The following NCOA3 variants were observed in gnomAD, a reference collection of about 807,000 sequenced individuals.
NCOA3 encodes CBP-interacting protein.
In NCOA3, 51 loss-of-function variants were observed where a neutral mutation model predicts 158.8. The observed-to-expected ratio is 0.32, with a 90% CI of 0.26 to 0.41. NCOA3 has a LOEUF of 0.41. Ranked by LOEUF, NCOA3 falls within the 10% of genes least tolerant of loss-of-function variation. The pLI, the probability that NCOA3 is intolerant of heterozygous loss-of-function variation, is 1.00. For synonymous variants in NCOA3, 537 were observed against 592.4 expected, an observed-to-expected ratio of 0.91 and a Z score of 1.36; for missense variants, 1,510 against 1,746.6, an observed-to-expected ratio of 0.86 and a Z score of 2.41.
intron 1 of NCOA3, among the ~76,000 whole-genome samples, chr20:47,502,246 G>C (rs2083944434): frequency 6.6e-6 from 1 of 152,328 alleles, no homozygotes; most frequent in Admixed American, 6.5e-5. Context: ...CTGAGACGAA[G>C]CTGGGTGGCA....
intron 1 of NCOA3, among the ~76,000 whole-genome samples, chr20:47,547,220 CATTT>C (rs914666233): frequency 1.3e-5 from 2 of 152,030 alleles, no homozygotes; most frequent in African/African-American, 2.4e-5. Context: ...GTTCATCATT[CATTT>C]GTCGAGTGAA....
intron 1 of NCOA3, among the ~76,000 whole-genome samples, chr20:47,524,016 T>C (rs2084386762): frequency 6.6e-6 from 1 of 152,180 alleles, no homozygotes; most frequent in African/African-American, 2.4e-5. Flanking sequence ...AGTACCATCT[T>C]AATAGGAGCC....
chr20:47,564,113 G>A (rs1851215503), intron 1 of NCOA3, among the ~76,000 whole-genome samples: 1 of 151,306 alleles, frequency 6.6e-6, no homozygotes, highest in Middle Eastern at 3.2e-3. Flanking sequence ...AGTGAGCCAT[G>A]TACTCCATCC....
chr20:47,589,049 C>T (rs1449918690), intron 2 of NCOA3, among the ~76,000 whole-genome samples: 1 of 151,876 alleles, frequency 6.6e-6, no homozygotes. Flanking sequence ...ACAGCATGCC[C>T]GTCTAATTTT....
At chr20:47,554,079 A>T (rs1456881971) in intron 1 of NCOA3, among the ~76,000 whole-genome samples, 1 of 152,144 alleles carries the variant, frequency 6.6e-6, no homozygotes, top group Non-Finnish European at 1.5e-5. Context: ...TGACTTTTTA[A>T]TGACTGCCAT....
chr20:47,597,106 G>C (rs746806858), intron 2 of NCOA3, among the ~76,000 whole-genome samples: 2 of 152,018 alleles, frequency 1.3e-5, no homozygotes, highest in African/African-American at 4.8e-5. Context: ...TGACAAATGT[G>C]ACCATCACCA....
At chr20:47,566,174 C>T (rs1311133673) in intron 1 of NCOA3, among the ~76,000 whole-genome samples, 3 of 152,020 alleles carry the variant, frequency 2.0e-5, no homozygotes, top group Non-Finnish European at 2.9e-5. Flanking sequence ...CCACCTGCCT[C>T]GGCCTCCCAA....
chr20:47,540,117 T>G (rs756164487), intron 1 of NCOA3, among the ~76,000 whole-genome samples: 1 of 152,158 alleles, frequency 6.6e-6, no homozygotes, highest in Non-Finnish European at 1.5e-5. Flanking sequence ...GGCCATGCCC[T>G]TTTTACCACC....
intron 1 of NCOA3, among the ~76,000 whole-genome samples, chr20:47,535,569 G>T (rs571749457): frequency 2.0e-5 from 3 of 149,930 alleles, no homozygotes; most frequent in East Asian, 4.0e-4. Context: ...GTGCAGTGGC[G>T]CAATCTCGGC....
intron 2 of NCOA3, among the ~76,000 whole-genome samples, chr20:47,614,877 T>G (rs540956866): frequency 6.6e-6 from 1 of 152,314 alleles, no homozygotes; most frequent in South Asian, 2.1e-4. Context: ...TAATACTGCA[T>G]GCCCCTAAAC....
Position 47,643,157 on chromosome 20 carries a change from ACTCG to A in NCOA3, c.3252+775_3252+778del, listed in dbSNP as rs2086637717. Among the ~76,000 whole-genome samples the A allele has an allele frequency of 2.6e-5, 4 of 152,132 alleles. 1 individual carries two copies. The highest frequency in any genetic ancestry group is 9.6e-5 in the African/African-American group (4 of 41,492). On this transcript the variant is annotated intron_variant, in intron 17 of 22. Coordinates refer to ENST00000371998, the MANE Select transcript of NCOA3 (RefSeq NM_181659.3). ...TCAAACTTCTGACCTCAAGTGATCC[ACTCG>A]CCTTGGCCTCCCAAAGTGCTGGGAT...
At chr20:47,525,574 C>T (rs2084419035) in intron 1 of NCOA3, among the ~76,000 whole-genome samples, 1 of 140,194 alleles carries the variant, frequency 7.1e-6, no homozygotes, top group African/African-American at 2.7e-5. Flanking sequence ...TGACCCCCCC[C>T]ACCTCCCTCC....
chr20:47,592,542 G>T (rs1192459233), intron 2 of NCOA3, among the ~76,000 whole-genome samples: 1 of 152,166 alleles, frequency 6.6e-6, no homozygotes, highest in African/African-American at 2.4e-5. Flanking sequence ...CTGTGTTGGG[G>T]TTGATAGAGG....
chr20:47,554,970 A>G (rs1053282947), intron 1 of NCOA3, among the ~76,000 whole-genome samples: 1 of 152,214 alleles, frequency 6.6e-6, no homozygotes, highest in Non-Finnish European at 1.5e-5. Context: ...CTACAAGGCT[A>G]CAGTAACCAA....
chr20:47,639,641 C>T lies in NCOA3; in HGVS notation c.2772C>T (p.Asn924=). 1 of 1,613,902 alleles carries T rather than the reference C, an allele frequency of 6.2e-7. No individual in the cohort carries two copies. Among genetic ancestry groups the T allele is most frequent in the Non-Finnish European group, 8.5e-7 (1 of 1,179,864 alleles). The change falls in exon 15 of 23, where the codon AAC becomes AAT. Residue 924 remains asparagine (N), a synonymous_variant. Transcript: ENST00000371998. The stretch of plus-strand genomic sequence containing the variant: ...CCTCAGGAGACTGGGGCTTACCAAA[C>T]TCAAAGGCCGGCAGAATGGAACCTA... ...TPSSGDWGLP[N]SKAGRMEPMN...
chr20:47,518,316 A>C (rs1381530011), intron 1 of NCOA3, among the ~76,000 whole-genome samples: 2 of 152,038 alleles, frequency 1.3e-5, no homozygotes, highest in Non-Finnish European at 2.9e-5. Flanking sequence ...ACTGTACTCC[A>C]GCCTGAGAAA....
chr20:47,610,881 T>C (rs1479231900), intron 2 of NCOA3, among the ~76,000 whole-genome samples: 3 of 152,244 alleles, frequency 2.0e-5, no homozygotes, highest in Non-Finnish European at 4.4e-5. Context: ...ATTTTTGATA[T>C]TGCTGGACAG....
intron 1 of NCOA3, among the ~76,000 whole-genome samples, chr20:47,546,852 C>T (rs1027254442): frequency 6.6e-6 from 1 of 152,012 alleles, no homozygotes; most frequent in Non-Finnish European, 1.5e-5. Context: ...CATCTCTGAT[C>T]TCACCTATCA....
chr20:47,636,567 A>G lies in NCOA3; in HGVS notation c.2181A>G (p.Leu727=), dbSNP rs1474566136. ...GAAATGTTGTCAAGCAGGAGCAGCT[A>G]AGTCCTAAGAAGAAGGAGAATAATG... ...GDGNVVKQEQ[L]SPKKKENNAL... Residue 727 remains leucine (L), a synonymous_variant, in exon 12 of 23, where the codon CTA becomes CTG. Coordinates refer to ENST00000371998, the MANE Select transcript of NCOA3 (RefSeq NM_181659.3). 4 of 1,614,192 alleles carry G rather than the reference A, an allele frequency of 2.5e-6. No homozygotes were observed. Among genetic ancestry groups the G allele is most frequent in the Non-Finnish European group, 3.4e-6 (4 of 1,180,032 alleles).
Sources: allele counts gnomAD v4.1 joint callset (sites outside exome capture counted in the v4.1 genomes callset), GRCh38; gene constraint gnomAD v4.1.1; transcripts MANE v1.5; gene names NCBI Gene and HGNC (gene_info 2026-07-23, HGNC 2026-07-21).